The following AMMECR1 variants were observed in gnomAD, a reference collection of about 807,000 sequenced individuals.
AMMECR1 encodes AMMECR nuclear protein 1, also known as nuclear protein AMMECR1.
In AMMECR1, 3 loss-of-function variants were observed where a neutral mutation model predicts 22.5. That is an observed-to-expected ratio of 0.13 (90% confidence interval 0.06 to 0.35). AMMECR1 has a LOEUF of 0.35. AMMECR1 is among the 10% of genes least tolerant of loss of function. The probability of loss-of-function intolerance (pLI) is 1.00; values close to 1 mark genes in which losing one functional copy is unlikely to be tolerated. For missense variants in AMMECR1, 235 were observed against 278.7 expected, an observed-to-expected ratio of 0.84 and a Z score of 1.12; for synonymous variants, 130 against 116.7, an observed-to-expected ratio of 1.11 and a Z score of -0.74.
At chrX:110,437,065 C>G (rs1367825083) in intron 1 of AMMECR1, among the ~76,000 whole-genome samples, 1 of 112,041 alleles carries the variant, frequency 8.9e-6, no homozygotes, top group Non-Finnish European at 1.9e-5. Context: ...AGTGATTTCA[C>G]GAATCTTTAG....
At chrX:110,222,318 A>T (rs1282695405) in intron 2 of AMMECR1, among the ~76,000 whole-genome samples, 4 of 92,407 alleles carry the variant, frequency 4.3e-5, no homozygotes, top group African/African-American at 8.0e-5. Flanking sequence ...AAATTGGAAA[A>T]CATCATTCTC....
chrX:110,313,648 T>A lies in AMMECR1; in HGVS notation c.473+3951A>T, dbSNP rs147811026. 4.2e-3 allele frequency among the ~76,000 whole-genome samples: 473 copies of A among 112,188 alleles called. 2 individuals are homozygous for A. The highest frequency in any genetic ancestry group is 7.4e-3 in the Non-Finnish European group (393 of 53,205). The stretch of plus-strand genomic sequence containing the variant: ...AATTCACCTTAAGGTATCATATTTG[T>A]AATGCTTTTAACTCCTAAAATGTAT... On this transcript the variant is annotated intron_variant, in intron 1 of 5. Coordinates refer to ENST00000262844, the MANE Select transcript of AMMECR1 (RefSeq NM_015365.3).
intron 1 of AMMECR1, among the ~76,000 whole-genome samples, chrX:110,312,548 C>T (rs900035645): frequency 5.4e-5 from 6 of 112,045 alleles, no homozygotes; most frequent in Non-Finnish European, 9.4e-5. Flanking sequence ...TCCCTTTGGC[C>T]ATATGGGGGA....
intron 3 of AMMECR1, among the ~76,000 whole-genome samples, chrX:110,203,042 G>T (rs780827081): frequency 9.8e-5 from 11 of 111,949 alleles, no homozygotes; most frequent in African/African-American, 3.2e-4. Flanking sequence ...ACACAGTCAG[G>T]TAAGATTGAA....
intron 1 of AMMECR1, among the ~76,000 whole-genome samples, chrX:110,291,412 G>A (rs896486351): frequency 9.9e-5 from 11 of 111,000 alleles, no homozygotes; most frequent in Non-Finnish European, 1.9e-4. Context: ...TGTAGTCCTA[G>A]CTACTCAGGA....
rs370507347 is a variant in AMMECR1 at position 110,273,295 on chromosome X, T to A, written c.474-8696A>T. On this transcript the variant is annotated intron_variant, in intron 1 of 5. Coordinates refer to ENST00000262844, the MANE Select transcript of AMMECR1 (RefSeq NM_015365.3). ...TTTTTTCACGTGCTTGCTGGCTGCT[T>A]GTATGTCTTCTTTTGAGAAATTTCT... Among the ~76,000 whole-genome samples the A allele has an allele frequency of 1.2e-4, 13 of 111,877 alleles. 1 individual carries two copies. In the East Asian group the frequency reaches 2.2e-3, roughly 19 times the overall value.
intron 2 of AMMECR1, among the ~76,000 whole-genome samples, chrX:110,354,406 T>C (rs1401375904): frequency 2.7e-5 from 3 of 112,266 alleles, no homozygotes; most frequent in African/African-American, 9.7e-5. Context: ...GTATAAGAAC[T>C]CTTTACATAG....
chrX:110,349,889 T>C (rs1036225222), intron 2 of AMMECR1, among the ~76,000 whole-genome samples: 2 of 111,786 alleles, frequency 1.8e-5, no homozygotes, highest in East Asian at 5.6e-4. Context: ...TGCCACTGCA[T>C]CTCTAGGGAT....
In AMMECR1 at chrX:110,393,990, G is replaced by A. The variant is rs772902909; in HGVS notation, c.-148+32668C>T. ...CACGATAGGAAAGCGCTCAATGAGC[G>A]CTTTTGTGATTCTTCTGGAACTGCT... is the stretch of plus-strand genomic sequence containing the variant. On this transcript the variant is annotated intron_variant, in intron 2 of 7. Coordinates refer to the AMMECR1 transcript ENST00000372057. 1.1e-4 allele frequency among the ~76,000 whole-genome samples: 12 copies of A among 112,577 alleles called. No individual in the cohort carries two copies. The South Asian group carries it at 3.3e-3, about 31-fold the overall frequency.
At chrX:110,296,563 TTC>T (rs1273952058) in intron 1 of AMMECR1, among the ~76,000 whole-genome samples, 3 of 111,970 alleles carry the variant, frequency 2.7e-5, no homozygotes, top group African/African-American at 9.7e-5. Flanking sequence ...GCTACCTTTT[TTC>T]TTTTTTTCCA....
At chrX:110,322,330 G>A (rs1237589701), upstream of AMMECR1, among the ~76,000 whole-genome samples, 2 of 112,084 alleles carry the variant, frequency 1.8e-5, no homozygotes, top group African/African-American at 6.5e-5. Flanking sequence ...GGGGCAGTTA[G>A]AGGAGTTGTG....
intron 2 of AMMECR1, among the ~76,000 whole-genome samples, chrX:110,411,343 C>G (rs1189505789): frequency 8.9e-6 from 1 of 111,785 alleles, no homozygotes; most frequent in Non-Finnish European, 1.9e-5. Context: ...GGGCTTCAGC[C>G]TCACCATTTC....
At chrX:110,311,103 A>C (rs942741468) in intron 1 of AMMECR1, among the ~76,000 whole-genome samples, 6 of 112,126 alleles carry the variant, frequency 5.4e-5, no homozygotes, top group African/African-American at 1.9e-4. Context: ...CAAGTTGCTG[A>C]CTGAAGACAG....
chrX:110,241,611 G>A (rs1295861636), intron 2 of AMMECR1, among the ~76,000 whole-genome samples: 1 of 110,118 alleles, frequency 9.1e-6, no homozygotes, highest in Non-Finnish European at 1.9e-5. Flanking sequence ...GTTGAACAAT[G>A]AGAACACATG....
At chrX:110,334,680 A>G (rs2068134148) in intron 2 of AMMECR1, among the ~76,000 whole-genome samples, 1 of 112,366 alleles carries the variant, frequency 8.9e-6, no homozygotes, top group African/African-American at 3.2e-5. Flanking sequence ...TTCAAATGAA[A>G]GAAGTCCAGA....
In AMMECR1 at chrX:110,203,490, T is replaced by A. The variant is rs1026936160; in HGVS notation, c.700-954A>T. Reference sequence around the variant, plus strand: ...AAAGTTCTTAACTTCTTTGTGAACATTGATAATAAAAACGAAATTTCAAAA... The same window carrying A: ...AAAGTTCTTAACTTCTTTGTGAACAATGATAATAAAAACGAAATTTCAAAA... On this transcript the variant is annotated intron_variant, in intron 3 of 5. Transcript: ENST00000262844. Among the ~76,000 whole-genome samples, 4 of 111,686 alleles carry A rather than the reference T, an allele frequency of 3.6e-5. No homozygotes were observed. In the South Asian group the frequency reaches 1.1e-3, roughly 31 times the overall value.
In AMMECR1 at chrX:110,195,032, G is replaced by GT. The variant is rs1315901945; in HGVS notation, c.*3487dup. 8.9e-6 allele frequency: 1 copy of GT among 112,247 alleles called. No homozygotes were observed. Among genetic ancestry groups the GT allele is most frequent in the African/African-American group, 3.2e-5 (1 of 30,914 alleles). The allele number at this position is 112,247 out of a possible 1,213,427, so 9.3% of individuals were successfully genotyped here. A position where few individuals can be genotyped will look rare whatever the true frequency, so the allele number is the denominator to read the frequency against. On this transcript the variant is annotated 3_prime_UTR_variant, in exon 6 of 6. Transcript: ENST00000262844. ...ACACATTTAATCCTGCAAGGTTTTT[G>GT]TAAGGACTGGAAGGCAGGCTTTTGA...
At chrX:110,287,280 G>A (rs1272165237) in intron 1 of AMMECR1, among the ~76,000 whole-genome samples, 1 of 112,442 alleles carries the variant, frequency 8.9e-6, no homozygotes, top group Non-Finnish European at 1.9e-5. Context: ...GACTGAGACT[G>A]AGGAGGAGTC....
intron 2 of AMMECR1, among the ~76,000 whole-genome samples, chrX:110,414,972 A>G (rs929456240): frequency 2.7e-5 from 3 of 111,560 alleles, no homozygotes; most frequent in African/African-American, 9.8e-5. Flanking sequence ...ATATATATAT[A>G]TATTCTCTGC....
Sources: allele counts gnomAD v4.1 joint callset (sites outside exome capture counted in the v4.1 genomes callset), GRCh38; gene constraint gnomAD v4.1.1; transcripts MANE v1.5; gene names NCBI Gene and HGNC (gene_info 2026-07-23, HGNC 2026-07-21).